The following CIT variants were observed in gnomAD, a reference collection of about 807,000 sequenced individuals.
CIT encodes citron Rho-interacting kinase.
CIT carries 79 observed loss-of-function variants against 272.7 expected under a neutral mutation model. The ratio of observed to expected loss-of-function variants is 0.29; its 90% CI spans 0.24 to 0.35. CIT has a LOEUF of 0.35. CIT is among the 10% of genes least tolerant of loss of function. The pLI, the probability that CIT is intolerant of heterozygous loss-of-function variation, is 1.00. For synonymous variants in CIT, 948 were observed against 995.6 expected, an observed-to-expected ratio of 0.95 and a Z score of 0.90; for missense variants, 1,909 against 2,618.3, an observed-to-expected ratio of 0.73 and a Z score of 5.91.
At chr12:119,752,326 C>A in intron 22 of CIT, 79 bp from the exon 23 acceptor site, 1 of 1,309,018 alleles carries the variant, frequency 7.6e-7, no homozygotes, top group South Asian at 1.5e-5. Flanking sequence ...ACATGACCTG[C>A]TACTCAACCT....
rs757825062 is a variant in CIT at position 119,745,374 on chromosome 12, CAAAAAAAAAAA to C, written c.2905-2921_2905-2911del. Among the ~76,000 whole-genome samples, 6 of 7,012 alleles carry C rather than the reference CAAAAAAAAAAA, an allele frequency of 8.6e-4. 1 individual carries two copies. The highest frequency in any genetic ancestry group is 7.8e-3 in the East Asian group (2 of 256). 4.6% of individuals were successfully genotyped at this position (7,012 alleles called of 152,430 possible). On this transcript the variant is annotated intron_variant, in intron 23 of 47. Coordinates refer to ENST00000392521, the MANE Select transcript of CIT (RefSeq NM_001206999.2). ...TGAAATAAAAAACAGAAGAAACAAG[CAAAAAAAAAAA>C]AAAAAAAAAAAAACACCTGTCCACA... is the stretch of plus-strand genomic sequence containing the variant.
At chr12:119,737,527 T>G (rs1208890758) in intron 24 of CIT, among the ~76,000 whole-genome samples, 2 of 152,114 alleles carry the variant, frequency 1.3e-5, no homozygotes, top group African/African-American at 4.8e-5. Flanking sequence ...ACCTCTTCGT[T>G]TTCTCCCAAA....
chr12:119,694,408 G>C lies in CIT; in HGVS notation c.5882+3251C>G, dbSNP rs529724274. On this transcript the variant is annotated intron_variant, in intron 46 of 47. Transcript: ENST00000392521. The surrounding 1 kb of genome is among the most constrained non-coding windows in gnomAD (Gnocchi z 4.5). ...ATAAGGAAGGTTGTGCAGGCATCTGGGGAGAAATGAATGAATAACTACTTC... is the reference window on the plus strand; with the variant it reads ...ATAAGGAAGGTTGTGCAGGCATCTGCGGAGAAATGAATGAATAACTACTTC... 2.6e-5 allele frequency among the ~76,000 whole-genome samples: 4 copies of C among 152,178 alleles called. No homozygotes were observed. In the South Asian group the frequency reaches 8.3e-4, roughly 32 times the overall value.
chr12:119,837,429 A>G (rs1220921229), intron 5 of CIT, among the ~76,000 whole-genome samples: 1 of 152,240 alleles, frequency 6.6e-6, no homozygotes, highest in Non-Finnish European at 1.5e-5. Flanking sequence ...GATTGTTAAA[A>G]TGGTACCAAG....
intron 2 of CIT, among the ~76,000 whole-genome samples, chr12:119,870,657 C>T (rs765953713): frequency 6.6e-6 from 1 of 151,790 alleles, no homozygotes; most frequent in Non-Finnish European, 1.5e-5. Flanking sequence ...AATCTGTAGC[C>T]CTTGGACCAA....
At position 119,690,400 on chromosome 12, in the gene CIT, C is replaced by A; in HGVS notation, c.5937G>T (p.Val1979=). The change falls in exon 47 of 48, where the codon GTG becomes GTT. Residue 1979 remains valine, a synonymous_variant. Transcript: ENST00000392521. The surrounding 1 kb of genome is among the most constrained non-coding windows in gnomAD (Gnocchi z 6.0). ...PTYNEHITKR[V]ASSPAPPEGP... ...CTTCGGGCGGCGCTGGGCTGGAGGCCACGCGCTTGGTGATGTGCTCGTTGT... is the reference window on the plus strand; with the variant it reads ...CTTCGGGCGGCGCTGGGCTGGAGGCAACGCGCTTGGTGATGTGCTCGTTGT... 6.3e-7 allele frequency: 1 copy of A among 1,596,516 alleles called. No homozygotes were observed. Among genetic ancestry groups the A allele is most frequent in the Admixed American group, 1.7e-5 (1 of 58,752 alleles).
At chr12:119,701,230 G>A (rs1956548388) in intron 43 of CIT, among the ~76,000 whole-genome samples, 1 of 66,784 alleles carries the variant, frequency 1.5e-5, no homozygotes, top group Non-Finnish European at 2.6e-5. Flanking sequence ...GGGAGGGAGG[G>A]GATGGGGAGG....
At chr12:119,757,180 T>A (rs1961102280) in intron 22 of CIT, among the ~76,000 whole-genome samples, 191 bp downstream of exon 22, 1 of 151,962 alleles carries the variant, frequency 6.6e-6, no homozygotes, top group South Asian at 2.1e-4. Flanking sequence ...ACCTTGGTGT[T>A]TTTCCTTGAT....
Position 119,756,045 on chromosome 12 carries a change from G to A in CIT, c.2706+1326C>T, listed in dbSNP as rs61132055. Among the ~76,000 whole-genome samples, 628 of 152,256 alleles carry A rather than the reference G, an allele frequency of 4.1e-3. 3 individuals are homozygous for A. Among genetic ancestry groups the A allele is most frequent in the African/African-American group, 0.015 (605 of 41,542 alleles). On this transcript the variant is annotated intron_variant, in intron 22 of 47. Transcript: ENST00000392521. The stretch of plus-strand genomic sequence containing the variant: ...GCACAAATTGACACGCTCCCCACAG[G>A]ACCCTATAAAGGAGATACATTATCA...
Position 119,804,462 on chromosome 12 carries a change from T to A in CIT, c.1112-1073A>T, listed in dbSNP as rs1441351435. The A allele has an allele frequency of 1.0e-6, 1 of 985,840 alleles. No individual in the cohort carries two copies. Among genetic ancestry groups the A allele is most frequent in the East Asian group, 1.1e-4 (1 of 8,822 alleles). 61.1% of individuals were successfully genotyped at this position (985,840 alleles called of 1,614,324 possible). ...GCTGGAACCCCACCTGGCTGCCGCCTGCCTGCCAGGGGCCAGTGCTGATCC... is the reference window on the plus strand; with the variant it reads ...GCTGGAACCCCACCTGGCTGCCGCCAGCCTGCCAGGGGCCAGTGCTGATCC... On this transcript the variant is annotated intron_variant, in intron 9 of 47. Coordinates refer to ENST00000392521, the MANE Select transcript of CIT (RefSeq NM_001206999.2). The surrounding 1 kb of genome is among the most constrained non-coding windows in gnomAD (Gnocchi z 5.3).
chr12:119,726,725 A>G (rs1958133495), intron 28 of CIT, among the ~76,000 whole-genome samples: 1 of 152,262 alleles, frequency 6.6e-6, no homozygotes, highest in South Asian at 2.1e-4. Context: ...TTTTCATTAT[A>G]AAGTGCATTT....
intron 18 of CIT, among the ~76,000 whole-genome samples, chr12:119,767,533 C>T (rs544048631): frequency 1.3e-5 from 2 of 152,318 alleles, no homozygotes; most frequent in South Asian, 4.1e-4. Flanking sequence ...GCCCTGACCA[C>T]TATCTTGAGC....
At position 119,784,773 on chromosome 12, in the gene CIT, G is replaced by A. The variant is rs751871400; in HGVS notation, c.1401+187C>T. 1 of 1,422,500 alleles carries A rather than the reference G, an allele frequency of 7.0e-7. No homozygotes were observed. The highest frequency in any genetic ancestry group is 9.2e-7 in the Non-Finnish European group (1 of 1,091,902). The allele number at this position is 1,422,500 out of a possible 1,614,324, so 88.1% of individuals were successfully genotyped here. On this transcript the variant is annotated intron_variant, in intron 11 of 47. Transcript: ENST00000392521. The surrounding 1 kb of genome is among the most constrained non-coding windows in gnomAD (Gnocchi z 4.7). The stretch of plus-strand genomic sequence containing the variant: ...CTGGTTTAGATTTAAAGGATTTACA[G>A]CAACAGCAAGGCCCGAATTCATCTC...
intron 24 of CIT, among the ~76,000 whole-genome samples, chr12:119,736,985 A>G (rs1958802198): frequency 6.6e-6 from 1 of 152,188 alleles, no homozygotes; most frequent in African/African-American, 2.4e-5. Flanking sequence ...TGGTTTCTTC[A>G]TCTGTGACAT....
At chr12:119,731,121 G>A (rs2996030) in intron 26 of CIT, among the ~76,000 whole-genome samples, 11 of 151,290 alleles carry the variant, frequency 7.3e-5, no homozygotes, top group Non-Finnish European at 1.5e-4. Context: ...AGCAAGACTC[G>A]GTCTCAAAAC....
intron 22 of CIT, 40 bp from the exon 23 acceptor site, chr12:119,752,287 G>A (rs760513414): frequency 6.5e-7 from 1 of 1,545,804 alleles, no homozygotes; most frequent in Non-Finnish European, 8.7e-7. Flanking sequence ...ATAAACCCTT[G>A]CTTGGTCTGA....
intron 44 of CIT, among the ~76,000 whole-genome samples, chr12:119,699,607 C>T (rs1484830086): frequency 6.6e-6 from 1 of 152,156 alleles, no homozygotes; most frequent in Non-Finnish European, 1.5e-5. Flanking sequence ...AAGAAGCCAG[C>T]GTGGAAAGCA....
chr12:119,833,484 G>C (rs1968781808), intron 6 of CIT, among the ~76,000 whole-genome samples: 3 of 151,916 alleles, frequency 2.0e-5, no homozygotes, highest in Admixed American at 2.0e-4. Flanking sequence ...GGCCAACCTG[G>C]TGAAACCCCA....
chr12:119,704,397 T>C lies in CIT; in HGVS notation c.5270A>G (p.Tyr1757Cys). ...AMPSKVVILR[Y>C]NENLSKYCIR... ...GCAGTATTTGCTGAGGTTTTCGTTG[T>C]AGCGGAGAATGACGACTTTGCTGGG... Residue 1757 changes from tyrosine (Y) to cysteine (C), a missense_variant, in exon 41 of 48, where the codon TAC becomes TGC. By Grantham distance (194) the Tyr-to-Cys change is radical. Coordinates refer to ENST00000392521, the MANE Select transcript of CIT (RefSeq NM_001206999.2). 2 of 1,614,000 alleles carry C rather than the reference T, an allele frequency of 1.2e-6. No homozygotes were observed. Among genetic ancestry groups the C allele is most frequent in the Non-Finnish European group, 1.7e-6 (2 of 1,179,882 alleles).
Sources: allele counts gnomAD v4.1 joint callset (sites outside exome capture counted in the v4.1 genomes callset), GRCh38; gene constraint gnomAD v4.1.1; non-coding constraint Gnocchi (gnomAD v3.1); transcripts MANE v1.5; gene names NCBI Gene and HGNC (gene_info 2026-07-23, HGNC 2026-07-21).